DPP6: variants seen among roughly 807,000 people sequenced by gnomAD.
DPP6 encodes A-type potassium channel modulatory protein DPP6.
A neutral mutation model predicts 122.6 loss-of-function variants in DPP6; 69 were observed. The observed-to-expected ratio is 0.56, with a 90% CI of 0.46 to 0.69. The LOEUF (loss-of-function observed/expected upper bound fraction) is 0.69, where lower values mean the gene tolerates loss of function less well. DPP6 is among the 30% of genes least tolerant of loss of function. DPP6 has a pLI of 0.00. For missense variants in DPP6, 928 were observed against 1,116.9 expected (o/e 0.83, Z 2.41); for synonymous variants, 418 against 433.1 (o/e 0.97, Z 0.43).
At chr7:154,214,617 G>A (rs897310686) in intron 1 of DPP6, among the ~76,000 whole-genome samples, 1 of 152,168 alleles carries the variant, frequency 6.6e-6, no homozygotes, top group Non-Finnish European at 1.5e-5. Context: ...GTAAACTAGG[G>A]ATAAAAATAT....
intron 1 of DPP6, among the ~76,000 whole-genome samples, chr7:153,989,719 A>G (rs561817981): frequency 3.8e-4 from 58 of 152,136 alleles, no homozygotes; most frequent in Non-Finnish European, 8.8e-5. Flanking sequence ...GGTGTGGTGC[A>G]GAGGTAGGAG....
intron 2 of DPP6, among the ~76,000 whole-genome samples, chr7:154,472,747 A>G (rs1465679076): frequency 6.6e-6 from 1 of 152,222 alleles, no homozygotes. Context: ...AGGTACAGAG[A>G]GGCCAGCAGT....
intron 7 of DPP6, among the ~76,000 whole-genome samples, chr7:154,692,364 G>A (rs1461427654): frequency 6.6e-6 from 1 of 152,202 alleles, no homozygotes; most frequent in Admixed American, 6.5e-5. Context: ...CTGAGGTAAT[G>A]TATGTAATTA....
intron 5 of DPP6, among the ~76,000 whole-genome samples, chr7:154,615,202 G>C (rs1259153567): frequency 7.7e-6 from 1 of 129,784 alleles, no homozygotes; most frequent in Non-Finnish European, 1.7e-5. Context: ...ATAACTTCCT[G>C]ACCTGCAAAA....
chr7:153,865,796 T>TC, the DPP6 span, among the ~76,000 whole-genome samples: 1 of 144,808 alleles, frequency 6.9e-6, no homozygotes, highest in African/African-American at 2.6e-5. Flanking sequence ...ATGCTATCCT[T>TC]CCCCCCTCCC....
Position 154,584,543 on chromosome 7 carries a change from C to T in DPP6, c.627+17627C>T, listed in dbSNP as rs57896352. On this transcript the variant is annotated intron_variant, in intron 5 of 25. Transcript: ENST00000377770. ...AAATGGACCGTCCCCCACCCCCATGCGGTTTCAGGGCCGCTCCCAGGCTGT... is the reference window on the plus strand; with the variant it reads ...AAATGGACCGTCCCCCACCCCCATGTGGTTTCAGGGCCGCTCCCAGGCTGT... Among the ~76,000 whole-genome samples the T allele has an allele frequency of 9.7e-3, 1,484 of 152,314 alleles. 36 individuals are homozygous for T. The highest frequency in any genetic ancestry group is 0.033 in the African/African-American group (1,389 of 41,556).
chr7:153,797,998 T>C, the DPP6 span, among the ~76,000 whole-genome samples: 5 of 152,326 alleles, frequency 3.3e-5, no homozygotes, highest in East Asian at 3.9e-4. Context: ...CCCGTCACCA[T>C]GCCCAGCTAA....
At chr7:154,060,227 C>T (rs1274760193) in intron 1 of DPP6, among the ~76,000 whole-genome samples, 1 of 140,146 alleles carries the variant, frequency 7.1e-6, no homozygotes, top group Non-Finnish European at 1.6e-5. Context: ...CCCCCCTTTG[C>T]TCTTAGGATC....
At chr7:154,752,531 C>CCA (rs1411657569) in intron 8 of DPP6, among the ~76,000 whole-genome samples, 1 of 152,148 alleles carries the variant, frequency 6.6e-6, no homozygotes, top group Non-Finnish European at 1.5e-5. Context: ...ACTGGAAGAA[C>CCA]GTAAGTGTAC....
chr7:154,772,811 C>T (rs1470366337), intron 9 of DPP6, 34 bp from the exon 10 acceptor site: 1 of 1,599,548 alleles, frequency 6.3e-7, no homozygotes, highest in Non-Finnish European at 8.5e-7. Flanking sequence ...TATAAGGCTG[C>T]TTGTTCATGT....
intron 5 of DPP6, among the ~76,000 whole-genome samples, chr7:154,591,355 G>A (rs1433943783): frequency 6.6e-6 from 1 of 152,204 alleles, no homozygotes; most frequent in Non-Finnish European, 1.5e-5. Context: ...CTGATGGTGA[G>A]GATGAGAGTT....
chr7:154,105,876 C>A (rs967140148), intron 1 of DPP6, among the ~76,000 whole-genome samples: 1 of 151,384 alleles, frequency 6.6e-6, no homozygotes, highest in Admixed American at 6.6e-5. Context: ...TCTTTATTAG[C>A]AGCATGAGAA....
intron 6 of DPP6, among the ~76,000 whole-genome samples, chr7:154,643,203 A>G (rs1257263459): frequency 6.6e-6 from 1 of 152,128 alleles, no homozygotes; most frequent in Admixed American, 6.6e-5. Flanking sequence ...AGAAGTATCT[A>G]TGGCCTCAAC....
chr7:154,295,269 A>G (rs1323592441), intron 1 of DPP6, among the ~76,000 whole-genome samples: 1 of 152,212 alleles, frequency 6.6e-6, no homozygotes, highest in African/African-American at 2.4e-5. Flanking sequence ...GCTGGAGGGT[A>G]ACCTGAACAC....
At chr7:153,982,478 T>C (rs1313072546) in intron 1 of DPP6, among the ~76,000 whole-genome samples, 1 of 152,074 alleles carries the variant, frequency 6.6e-6, no homozygotes, top group African/African-American at 2.4e-5. Flanking sequence ...CTTCCTTGCA[T>C]TGGGTTAGAA....
In DPP6 at chr7:154,554,728, A is replaced by G. The variant is rs1374356966; in HGVS notation, c.553-12114A>G. ...GATAATGCAAAAGGTGAAATACTGTATATACCCATCTCTCTAGTAAGTATA... is the reference window on the plus strand; with the variant it reads ...GATAATGCAAAAGGTGAAATACTGTGTATACCCATCTCTCTAGTAAGTATA... On this transcript the variant is annotated intron_variant, in intron 4 of 25. Transcript: ENST00000377770. Among the ~76,000 whole-genome samples the G allele has an allele frequency of 3.9e-5, 6 of 152,318 alleles. No individual in the cohort carries two copies. In the East Asian group the frequency reaches 1.2e-3, roughly 29 times the overall value.
At chr7:154,566,281 C>T (rs1830741333) in intron 4 of DPP6, among the ~76,000 whole-genome samples, 1 of 151,878 alleles carries the variant, frequency 6.6e-6, no homozygotes, top group African/African-American at 2.4e-5. Context: ...TTTTCTTGCT[C>T]TCTCTATTTT....
chr7:154,784,504 T>C (rs867026568), intron 10 of DPP6, among the ~76,000 whole-genome samples: 9 of 152,202 alleles, frequency 5.9e-5, no homozygotes, highest in Non-Finnish European at 1.2e-4. Context: ...TCATTTTTTT[T>C]CTAAAAGGAC....
intron 1 of DPP6, among the ~76,000 whole-genome samples, chr7:154,337,102 A>G (rs1809495823): frequency 1.3e-5 from 2 of 152,054 alleles, no homozygotes; most frequent in East Asian, 3.9e-4. Flanking sequence ...AAGTTACATC[A>G]CTCTTGCAAT....
Sources: gnomAD v4.1 joint callset for allele counts (sites outside exome capture counted in the v4.1 genomes callset) on GRCh38, gnomAD v4.1.1 for gene constraint, MANE v1.5 for transcripts, NCBI Gene and HGNC (gene_info 2026-07-23, HGNC 2026-07-21) for gene names.